RSU1: variants seen among roughly 807,000 people sequenced by gnomAD.
RSU1 encodes the protein Ras suppressor protein 1, also known as rsu-1.
Under a neutral mutation model 31.1 loss-of-function variants are expected in RSU1, and 26 were observed. That is an observed-to-expected ratio of 0.84 (90% confidence interval 0.61 to 1.16). The LOEUF (loss-of-function observed/expected upper bound fraction) is 1.16, where lower values mean the gene tolerates loss of function less well. Ranked by LOEUF, RSU1 falls within the 50% of genes most tolerant of loss-of-function variation. The pLI is 0.00. For synonymous variants in RSU1, 164 were observed against 136.3 expected (o/e 1.20, Z -1.41); for missense variants, 320 against 339.1 (o/e 0.94, Z 0.44).
chr10:16,662,319 A>C (rs1409825209), intron 8 of RSU1, among the ~76,000 whole-genome samples: 1 of 152,130 alleles, frequency 6.6e-6, no homozygotes, highest in Non-Finnish European at 1.5e-5. Flanking sequence ...ATACTGGTAA[A>C]TTTTTTGAAT....
chr10:16,608,800 T>G (rs1022546328), intron 8 of RSU1, among the ~76,000 whole-genome samples: 1 of 152,128 alleles, frequency 6.6e-6, no homozygotes, highest in African/African-American at 2.4e-5. Context: ...AAAAAAATAC[T>G]TGTAGCCCTG....
At chr10:16,728,939 A>G (rs531684414) in intron 7 of RSU1, among the ~76,000 whole-genome samples, 1 of 152,346 alleles carries the variant, frequency 6.6e-6, no homozygotes, top group East Asian at 1.9e-4. Flanking sequence ...AGTCTAATTC[A>G]GTGAAAAAGA....
chr10:16,703,556 G>T (rs563590866), intron 7 of RSU1, among the ~76,000 whole-genome samples: 207 of 152,228 alleles, frequency 1.4e-3, no homozygotes, highest in African/African-American at 4.8e-3. Context: ...AGATGTCTAG[G>T]GGGTTGGTTC....
intron 8 of RSU1, among the ~76,000 whole-genome samples, chr10:16,614,945 A>G (rs1051410704): frequency 2.0e-5 from 3 of 152,244 alleles, no homozygotes; most frequent in African/African-American, 4.8e-5. Context: ...CAAAATATAA[A>G]GACCAAGGAC....
chr10:16,713,117 A>C (rs1836057164), intron 7 of RSU1, among the ~76,000 whole-genome samples: 1 of 152,150 alleles, frequency 6.6e-6, no homozygotes, highest in African/African-American at 2.4e-5. Context: ...GTGATGTGAC[A>C]CTGTTTTCTT....
intron 8 of RSU1, among the ~76,000 whole-genome samples, chr10:16,650,517 G>A (rs1426975496): frequency 6.9e-6 from 1 of 145,846 alleles, no homozygotes. Context: ...AGAGGCAGAA[G>A]AACAAGAAGC....
At chr10:16,699,890 T>C (rs975618782) in intron 7 of RSU1, among the ~76,000 whole-genome samples, 1 of 152,240 alleles carries the variant, frequency 6.6e-6, no homozygotes, top group African/African-American at 2.4e-5. Flanking sequence ...GATTTTCCAT[T>C]TTATTACCTG....
chr10:16,748,188 T>G (rs1465988828), intron 7 of RSU1: 1 of 152,184 alleles, frequency 6.6e-6, no homozygotes, highest in Non-Finnish European at 1.5e-5. Context: ...AGTGCACAAG[T>G]CCAAAAACTG....
chr10:16,762,006 T>A (rs1051778505), intron 4 of RSU1, among the ~76,000 whole-genome samples: 12 of 152,112 alleles, frequency 7.9e-5, no homozygotes, highest in African/African-American at 2.9e-4. Context: ...TGGACTAAAG[T>A]GCTCCCCGGT....
At chr10:16,758,447 G>C (rs1381677706) in intron 4 of RSU1, among the ~76,000 whole-genome samples, 4 of 152,176 alleles carry the variant, frequency 2.6e-5, no homozygotes, top group Non-Finnish European at 5.9e-5. Context: ...TAGCAATCAA[G>C]GTTTCCATGA....
chr10:16,754,022 A>G (rs1837032781), intron 5 of RSU1, among the ~76,000 whole-genome samples: 1 of 152,192 alleles, frequency 6.6e-6, no homozygotes, highest in East Asian at 1.9e-4. Flanking sequence ...CATACTCCCG[A>G]GAACTGCATG....
At chr10:16,701,086 T>C (rs369599330) in intron 7 of RSU1, among the ~76,000 whole-genome samples, 66 of 152,110 alleles carry the variant, frequency 4.3e-4, no homozygotes, top group African/African-American at 1.5e-3. Context: ...GGGCAGGAGG[T>C]TGAACTGGCA....
At chr10:16,719,785 C>CAT (rs575561365) in intron 7 of RSU1, among the ~76,000 whole-genome samples, 25 of 152,318 alleles carry the variant, frequency 1.6e-4, no homozygotes, top group African/African-American at 5.8e-4. Flanking sequence ...CACCTGGCCA[C>CAT]ATCCCACCGT....
chr10:16,777,857 G>A (rs17333493), intron 3 of RSU1, among the ~76,000 whole-genome samples: 19,442 of 152,036 alleles, frequency 0.13, 1,531 homozygotes, highest in Middle Eastern at 0.22. Flanking sequence ...ATGACCTTCG[G>A]CATTATTGCT....
At chr10:16,727,051 G>C (rs943587822) in intron 7 of RSU1, 4 of 456,462 alleles carry the variant, frequency 8.8e-6, no homozygotes, top group African/African-American at 8.0e-5. Flanking sequence ...TGAGGGAAGA[G>C]TTTCAAGGAA....
intron 3 of RSU1, among the ~76,000 whole-genome samples, chr10:16,769,085 C>T (rs2131635589): frequency 6.6e-6 from 1 of 152,320 alleles, no homozygotes; most frequent in Middle Eastern, 3.4e-3. Flanking sequence ...ATAGGCTTCC[C>T]CCAACTGGTC....
intron 2 of RSU1, among the ~76,000 whole-genome samples, chr10:16,801,927 C>T (rs1325423173): frequency 1.3e-5 from 2 of 151,964 alleles, no homozygotes; most frequent in Non-Finnish European, 2.9e-5. Flanking sequence ...CAAAACAAGA[C>T]AGTTCTATTA....
chr10:16,792,464 C>T (rs889247778), intron 2 of RSU1, among the ~76,000 whole-genome samples: 3 of 152,178 alleles, frequency 2.0e-5, no homozygotes, highest in African/African-American at 7.2e-5. Flanking sequence ...AACTCCCGAC[C>T]TCGTGATCCA....
At chr10:16,776,299 A>G (rs1447044258) in intron 3 of RSU1, among the ~76,000 whole-genome samples, 2 of 152,244 alleles carry the variant, frequency 1.3e-5, no homozygotes, top group African/African-American at 4.8e-5. Context: ...TAATTTGTTT[A>G]TAATATGACT....
Sources: gnomAD v4.1 joint callset for allele counts (sites outside exome capture counted in the v4.1 genomes callset) on GRCh38, gnomAD v4.1.1 for gene constraint, MANE v1.5 for transcripts, NCBI Gene and HGNC (gene_info 2026-07-23, HGNC 2026-07-21) for gene names.